Variants in KIAA1549 observed in about 807,000 individuals in gnomAD.
KIAA1549 encodes the protein KIAA1549, also known as UPF0606 protein KIAA1549.
A neutral mutation model predicts 156.4 loss-of-function variants in KIAA1549; 70 were observed. The ratio of observed to expected loss-of-function variants is 0.45; its 90% CI spans 0.37 to 0.55. The LOEUF (loss-of-function observed/expected upper bound fraction) is 0.55. Among genes scored for constraint, KIAA1549 ranks in the 20% least tolerant of loss-of-function variants. The pLI, the probability that KIAA1549 is intolerant of heterozygous loss-of-function variation, is 0.00. For synonymous variants in KIAA1549, 1,103 were observed against 1,066.4 expected (o/e 1.03, Z -0.67); for missense variants, 2,428 against 2,540.9 (o/e 0.96, Z 0.96).
chr7:138,968,622 C>T (rs1584791504), intron 1 of KIAA1549, among the ~76,000 whole-genome samples: 1 of 151,212 alleles, frequency 6.6e-6, no homozygotes, highest in East Asian at 2.0e-4. Context: ...CCGAGGCGGG[C>T]AGATCATGAG....
intron 17 of KIAA1549, among the ~76,000 whole-genome samples, chr7:138,847,176 C>A (rs957508754): frequency 2.0e-5 from 3 of 152,180 alleles, no homozygotes; most frequent in Non-Finnish European, 4.4e-5. Context: ...ACATGTTTTG[C>A]AATCCAACAC....
At chr7:138,972,501 C>T (rs1039576544) in intron 1 of KIAA1549, among the ~76,000 whole-genome samples, 2 of 151,920 alleles carry the variant, frequency 1.3e-5, no homozygotes, top group African/African-American at 2.4e-5. Flanking sequence ...CTTCAATCCC[C>T]TTTGGCTCTT....
intron 17 of KIAA1549, among the ~76,000 whole-genome samples, chr7:138,847,834 G>C (rs1354341999): frequency 6.6e-6 from 1 of 152,206 alleles, no homozygotes; most frequent in African/African-American, 2.4e-5. Context: ...CACATGGGGA[G>C]AAATGACATT....
At chr7:138,902,823 A>C (rs1045506930) in intron 8 of KIAA1549, among the ~76,000 whole-genome samples, 2 of 152,122 alleles carry the variant, frequency 1.3e-5, no homozygotes, top group Non-Finnish European at 2.9e-5. Context: ...AAAAAGAAAG[A>C]AAGAAAAAAG....
At chr7:138,944,558 A>G (rs1188737070) in intron 1 of KIAA1549, among the ~76,000 whole-genome samples, 1 of 152,192 alleles carries the variant, frequency 6.6e-6, no homozygotes, top group Non-Finnish European at 1.5e-5. Flanking sequence ...TGTCCCCAGA[A>G]AAACACTGGA....
At chr7:138,977,464 G>C (rs1430434329) in intron 1 of KIAA1549, among the ~76,000 whole-genome samples, 2 of 152,146 alleles carry the variant, frequency 1.3e-5, no homozygotes, top group Non-Finnish European at 2.9e-5. Flanking sequence ...AGTGATAATG[G>C]AAGGCCCCTG....
At chr7:138,897,038 C>G (rs1192872208) in intron 9 of KIAA1549, among the ~76,000 whole-genome samples, 1 of 152,076 alleles carries the variant, frequency 6.6e-6, no homozygotes, top group East Asian at 1.9e-4. Context: ...CCCTGAGATC[C>G]CAGGATCTTT....
Position 138,919,162 on chromosome 7 carries a change from T to C in KIAA1549, c.464A>G (p.Asp155Gly). The C allele has an allele frequency of 6.2e-7, 1 of 1,614,014 alleles. No individual in the cohort carries two copies. The change falls in exon 2 of 20, where the codon GAT becomes GGT. Residue 155 changes from aspartate to glycine, a missense_variant. Asp to Gly is a moderately conservative substitution (Grantham distance 94). This residue lies in a region of KIAA1549 where 893 missense variants were observed against 847.9 expected (regional missense o/e 1.05). Transcript: ENST00000422774. ...ATCTGGCAGAAAGTTATCCATCTCA[T>C]CGTCATTGACGGCCACCTCTTTACT... ...VTSKEVAVND[D>G]EMDNFLPDTH...
intron 1 of KIAA1549, among the ~76,000 whole-genome samples, chr7:138,977,569 T>G (rs905600544): frequency 1.3e-5 from 2 of 151,968 alleles, no homozygotes; most frequent in African/African-American, 4.8e-5. Context: ...CCCAGCATTT[T>G]GAACAAAAGA....
In KIAA1549 at chr7:138,834,772, G is replaced by A. The variant is rs929131543; in HGVS notation, c.*3134C>T. The A allele has an allele frequency of 5.6e-5, 13 of 232,530 alleles. No individual in the cohort carries two copies. The highest frequency in any genetic ancestry group is 8.5e-5 in the Non-Finnish European group (10 of 117,586). The allele number at this position is 232,530 out of a possible 1,614,324, so 14.4% of individuals were successfully genotyped here. On this transcript the variant is annotated 3_prime_UTR_variant, in exon 20 of 20. Transcript: ENST00000422774. Reference sequence around the variant, plus strand: ...CGTTTCACATCACTCATCCTAGGGCGTCCACATAGACAGCATGCTACATTT... The same window carrying A: ...CGTTTCACATCACTCATCCTAGGGCATCCACATAGACAGCATGCTACATTT...
At chr7:138,961,555 C>T (rs1039617982) in intron 1 of KIAA1549, among the ~76,000 whole-genome samples, 2 of 152,192 alleles carry the variant, frequency 1.3e-5, no homozygotes, top group African/African-American at 4.8e-5. Context: ...CTCAACAATC[C>T]TTTCACAGCT....
chr7:138,847,905 G>A (rs1486325210), intron 17 of KIAA1549, among the ~76,000 whole-genome samples: 54 of 144,504 alleles, frequency 3.7e-4, no homozygotes. Flanking sequence ...AAAAGTCTTT[G>A]GTTAGATTTA....
At position 138,929,006 on chromosome 7, in the gene KIAA1549, TTGG is replaced by T. The variant is rs984786265; in HGVS notation, c.188-9571_188-9569del. ...CCTTCAGCGAGTTGCAATCTTTTTG[TTGG>T]TGGTGTTTTATCTCAGTGTTGACGG... On this transcript the variant is annotated intron_variant, in intron 1 of 19. Transcript: ENST00000422774. Among the ~76,000 whole-genome samples the T allele has an allele frequency of 3.4e-4, 51 of 152,228 alleles. 1 individual carries two copies. Among genetic ancestry groups the T allele is most frequent in the Non-Finnish European group, 1.0e-4 (7 of 68,044 alleles).
At position 138,836,428 on chromosome 7, in the gene KIAA1549, C is replaced by A. The variant is rs947505394; in HGVS notation, c.*1478G>T. On this transcript the variant is annotated 3_prime_UTR_variant, in exon 20 of 20. Transcript: ENST00000422774. ...GTAAGTACAATCTAGGATGTTGGCA[C>A]AGCAACAAAACAGCCTAATGACACA... 1 of 214,444 alleles carries A rather than the reference C, an allele frequency of 4.7e-6. No individual in the cohort carries two copies. The highest frequency in any genetic ancestry group is 2.3e-5 in the African/African-American group (1 of 44,242). 13.3% of individuals were successfully genotyped at this position (214,444 alleles called of 1,614,324 possible).
At chr7:138,939,077 G>C (rs1469314127) in intron 1 of KIAA1549, among the ~76,000 whole-genome samples, 1 of 152,136 alleles carries the variant, frequency 6.6e-6, no homozygotes, top group East Asian at 1.9e-4. Flanking sequence ...AAAGTTGAAA[G>C]ACTGGAACCC....
chr7:138,913,031 C>T lies in KIAA1549; in HGVS notation c.2879-571G>A, dbSNP rs534883098. Among the ~76,000 whole-genome samples, 20 of 152,274 alleles carry T rather than the reference C, an allele frequency of 1.3e-4. No homozygotes were observed. In the South Asian group the frequency reaches 2.3e-3, roughly 17 times the overall value. ...CTGGGACTACAGGTGCCTGCCACCA[C>T]GCCCGGCTAATTTTTTGTACTTTTA... On this transcript the variant is annotated intron_variant, in intron 2 of 19. Transcript: ENST00000422774.
In KIAA1549 at chr7:138,832,376, T is replaced by C. The variant is rs527509924; in HGVS notation, c.*5530A>G. ...CATGCTCAGCTAATTTTTAAATTTT[T>C]TTTGTAGAGACGGGGTCTCGTTATG... On this transcript the variant is annotated 3_prime_UTR_variant, in exon 20 of 20. Transcript: ENST00000422774. The C allele has an allele frequency of 4.6e-4, 87 of 190,714 alleles. No homozygotes were observed. Among genetic ancestry groups the C allele is most frequent in the Non-Finnish European group, 8.6e-4 (78 of 91,030 alleles). 11.8% of individuals were successfully genotyped at this position (190,714 alleles called of 1,614,324 possible). A position where few individuals can be genotyped will look rare whatever the true frequency, so the allele number is the denominator to read the frequency against.
At chr7:138,899,721 C>T (rs1811788113) in intron 8 of KIAA1549, among the ~76,000 whole-genome samples, 1 of 152,106 alleles carries the variant, frequency 6.6e-6, no homozygotes, top group Admixed American at 6.5e-5. Context: ...CCAAAAACAT[C>T]CCCAGACACT....
chr7:138,850,367 G>A (rs1173469377), intron 17 of KIAA1549, among the ~76,000 whole-genome samples: 7 of 152,002 alleles, frequency 4.6e-5, no homozygotes, highest in East Asian at 1.9e-4. Context: ...TGTTATTTTC[G>A]ACCTTTTAAT....
Sources: allele counts gnomAD v4.1 joint callset (sites outside exome capture counted in the v4.1 genomes callset), GRCh38; gene constraint gnomAD v4.1.1; regional missense constraint gnomAD v4.1.1; transcripts MANE v1.5; gene names NCBI Gene and HGNC (gene_info 2026-07-23, HGNC 2026-07-21).